The following DMD variants were observed in gnomAD, a reference collection of about 807,000 sequenced individuals.
DMD encodes the protein mutant dystrophin.
DMD carries 63 observed loss-of-function variants against 330.1 expected under a neutral mutation model. That is an observed-to-expected ratio of 0.19 (90% CI 0.16 to 0.24). The LOEUF (loss-of-function observed/expected upper bound fraction) is 0.24. Among genes scored for constraint, DMD ranks in the 10% least tolerant of loss-of-function variants. DMD has a pLI of 1.00. For synonymous variants in DMD, 1,223 were observed against 959.8 expected (o/e 1.27, Z -5.07); for missense variants, 3,344 against 2,684.1 (o/e 1.25, Z -5.43).
intron 1 of DMD, among the ~76,000 whole-genome samples, chrX:33,150,807 AT>A (rs2048252360): frequency 9.1e-6 from 1 of 109,336 alleles, no homozygotes; most frequent in South Asian, 3.9e-4. Flanking sequence ...TACTACTTTT[AT>A]TTTCCTTAGC....
rs374078009 is a variant in DMD at position 31,954,196 on chromosome X, T to C, written c.6614+14143A>G. Among the ~76,000 whole-genome samples the C allele has an allele frequency of 1.7e-4, 19 of 111,814 alleles. 1 individual carries two copies. Among genetic ancestry groups the C allele is most frequent in the African/African-American group, 6.2e-4 (19 of 30,852 alleles). ...CAACAGAGAATCAGCCCAGCAAAAA[T>C]AGATCATCAAAAAATAATTATAATC... is the stretch of plus-strand genomic sequence containing the variant. On this transcript the variant is annotated intron_variant, in intron 45 of 78. Transcript: ENST00000357033.
intron 44 of DMD, among the ~76,000 whole-genome samples, chrX:32,058,374 A>G (rs1417669403): frequency 9.1e-6 from 1 of 110,397 alleles, no homozygotes. Flanking sequence ...GAGGAACGTA[A>G]TAACAACAAC....
chrX:32,775,136 C>A (rs1260563466), intron 7 of DMD, among the ~76,000 whole-genome samples: 1 of 112,809 alleles, frequency 8.9e-6, no homozygotes, highest in Non-Finnish European at 1.9e-5. Flanking sequence ...ATATCCAGGG[C>A]AGGCTGATGC....
At chrX:32,681,804 A>G (rs1331021439) in intron 9 of DMD, among the ~76,000 whole-genome samples, 1 of 112,141 alleles carries the variant, frequency 8.9e-6, no homozygotes, top group Non-Finnish European at 1.9e-5. Flanking sequence ...TACAATGAGG[A>G]AAAAAATTAA....
chrX:31,790,396 G>A (rs1195476861), intron 50 of DMD, among the ~76,000 whole-genome samples: 1 of 111,242 alleles, frequency 9.0e-6, no homozygotes, highest in Non-Finnish European at 1.9e-5. Flanking sequence ...TAACAAGTTC[G>A]GATCCTTTCA....
At chrX:32,301,406 G>A (rs183234013) in intron 42 of DMD, among the ~76,000 whole-genome samples, 1 of 109,435 alleles carries the variant, frequency 9.1e-6, no homozygotes, top group East Asian at 2.9e-4. Context: ...TTAATCATAC[G>A]TGATTTACAA....
At chrX:32,300,124 C>G (rs1033707346) in intron 42 of DMD, among the ~76,000 whole-genome samples, 1 of 111,738 alleles carries the variant, frequency 8.9e-6, no homozygotes, top group Non-Finnish European at 1.9e-5. Context: ...GCACTTGTAG[C>G]ATTAATAAAT....
intron 42 of DMD, among the ~76,000 whole-genome samples, chrX:32,305,185 A>G (rs912291223): frequency 1.8e-5 from 2 of 111,741 alleles, no homozygotes; most frequent in Non-Finnish European, 3.8e-5. Flanking sequence ...ATAGAAAAGC[A>G]GTCACTTTGC....
intron 43 of DMD, among the ~76,000 whole-genome samples, chrX:32,231,833 T>C (rs773192760): frequency 9.0e-6 from 1 of 111,389 alleles, no homozygotes; most frequent in Admixed American, 9.6e-5. Context: ...TTGAAACCAA[T>C]CTCAAAGGTT....
chrX:32,710,615 A>G (rs1272043652), intron 7 of DMD, among the ~76,000 whole-genome samples: 1 of 111,360 alleles, frequency 9.0e-6, no homozygotes, highest in Non-Finnish European at 1.9e-5. Context: ...CATACACACT[A>G]CAAAATAGCA....
rs808543 is a variant in DMD, at chrX:32,595,986, C to T, written c.1483-110G>A. On this transcript the variant is annotated intron_variant, in intron 12 of 78. Coordinates refer to ENST00000357033, the MANE Select transcript of DMD (RefSeq NM_004006.3). Reference sequence around the variant, plus strand: ...ATTTCTGCTACATCTCAGGTACTCCCATTTTTTATTAACCTAAAACCATTC... The same window carrying T: ...ATTTCTGCTACATCTCAGGTACTCCTATTTTTTATTAACCTAAAACCATTC... 307,956 of 707,551 alleles carry T rather than the reference C, an allele frequency of 0.44. 49,460 individuals are homozygous for T. Among genetic ancestry groups the T allele is most frequent in the African/African-American group, 0.8 (37,298 of 46,426 alleles). 58.3% of individuals were successfully genotyped at this position (707,551 alleles called of 1,213,427 possible). A position where few individuals can be genotyped will look rare whatever the true frequency, so the allele number is the denominator to read the frequency against.
rs1008041608 is a variant in DMD, at chrX:32,740,573, T to C, written c.650-41280A>G. Reference sequence around the variant, plus strand: ...GTAAGAATTTTACATGAATATTTACTATATTATTATTTAAGCATTATATAA... The same window carrying C: ...GTAAGAATTTTACATGAATATTTACCATATTATTATTTAAGCATTATATAA... On this transcript the variant is annotated intron_variant, in intron 7 of 78. Transcript: ENST00000357033. Among the ~76,000 whole-genome samples, 6 of 111,580 alleles carry C rather than the reference T, an allele frequency of 5.4e-5. No individual in the cohort carries two copies. The South Asian group carries it at 2.2e-3, about 41-fold the overall frequency.
intron 44 of DMD, among the ~76,000 whole-genome samples, chrX:31,993,042 C>A (rs1359088539): frequency 9.0e-6 from 1 of 111,709 alleles, no homozygotes; most frequent in Admixed American, 9.5e-5. Flanking sequence ...AACATTTAGT[C>A]ATCTCTTTGT....
rs2068037393 is a variant in DMD, at chrX:31,479,034, G to C, written c.8617C>G (p.Leu2873Val). Residue 2873 changes from leucine to valine, a missense_variant, in exon 58 of 79, where the codon CTG (leucine) becomes GTG (valine). Leu to Val is a conservative substitution (Grantham distance 32). Transcript: ENST00000357033. ...MSTLETVRIF[L>V]TEQPLEGLEK... ...AGTCCTTCCAAAGGCTGCTCTGTCA[G>C]AAATATTCGTACAGTCTCAAGAGTA... 1.7e-6 allele frequency: 2 copies of C among 1,206,939 alleles called. No homozygotes were observed. The highest frequency in any genetic ancestry group is 1.8e-5 in the African/African-American group (1 of 56,957).
intron 54 of DMD, among the ~76,000 whole-genome samples, chrX:31,636,317 C>T (rs2079413558): frequency 9.0e-6 from 1 of 111,612 alleles, no homozygotes; most frequent in East Asian, 2.8e-4. Context: ...TATAACAAAC[C>T]TGCACACGTG....
chrX:31,444,377 A>G, intron 60 of DMD, 104 bp downstream of exon 60: 2 of 908,870 alleles, frequency 2.2e-6, no homozygotes, highest in Non-Finnish European at 3.2e-6. Flanking sequence ...CACAAATATT[A>G]CCATGAACAT....
chrX:32,133,188 A>G (rs769090333), intron 44 of DMD, among the ~76,000 whole-genome samples: 1 of 108,349 alleles, frequency 9.2e-6, no homozygotes, highest in African/African-American at 3.4e-5. Context: ...TTGTATTTTT[A>G]GTAGAGATGG....
rs181101087 is a variant in DMD at position 32,512,492 on chromosome X, G to T, written c.2292+5516C>A. Among the ~76,000 whole-genome samples, 50 of 112,067 alleles carry T rather than the reference G, an allele frequency of 4.5e-4. No homozygotes were observed. The Admixed American group carries it at 4.6e-3, about 10-fold the overall frequency. On this transcript the variant is annotated intron_variant, in intron 18 of 78. Coordinates refer to ENST00000357033, the MANE Select transcript of DMD (RefSeq NM_004006.3). ...ATATCCATATAGTTAAACATTTATT[G>T]GTTTGTGTGTTAGGCATGGGGACAC...
intron 63 of DMD, among the ~76,000 whole-genome samples, chrX:31,226,813 T>C (rs899003220): frequency 8.0e-5 from 9 of 112,014 alleles, no homozygotes; most frequent in South Asian, 7.7e-4. Context: ...ACACTCATCA[T>C]TGAGTCCCTT....
Sources: allele counts gnomAD v4.1 joint callset (sites outside exome capture counted in the v4.1 genomes callset), GRCh38; gene constraint gnomAD v4.1.1; transcripts MANE v1.5; gene names NCBI Gene and HGNC (gene_info 2026-07-23, HGNC 2026-07-21).